DNAJC25: variants seen among roughly 807,000 people sequenced by gnomAD.
The protein encoded by DNAJC25 is dnaJ homolog subfamily C member 25.
DNAJC25 carries 26 observed loss-of-function variants against 42.1 expected under a neutral mutation model. That is an observed-to-expected ratio of 0.62 (90% CI 0.45 to 0.86). DNAJC25 has a LOEUF of 0.86. Among genes scored for constraint, DNAJC25 ranks in the 40% least tolerant of loss-of-function variants. DNAJC25 has a pLI of 0.00. For missense variants in DNAJC25, 404 were observed against 459.4 expected (o/e 0.88, Z 1.10); for synonymous variants, 189 against 179.9 (o/e 1.05, Z -0.40).
intron 1 of DNAJC25, 111 bp from the exon 2 acceptor site, chr9:111,646,996 A>C (rs1412235000): frequency 8.3e-7 from 1 of 1,202,476 alleles, no homozygotes; most frequent in Non-Finnish European, 1.1e-6. Context: ...CAGTATTTTT[A>C]CTCAGATTAA....
intron 2 of DNAJC25, 119 bp downstream of exon 2, chr9:111,647,378 T>C: frequency 7.8e-7 from 1 of 1,277,196 alleles, no homozygotes; most frequent in East Asian, 2.4e-5. Flanking sequence ...CTAGTTGAGA[T>C]CTGTTTTAGT....
chr9:111,646,020 G>A (rs764998783), intron 1 of DNAJC25, among the ~76,000 whole-genome samples: 11 of 152,114 alleles, frequency 7.2e-5, no homozygotes, highest in Non-Finnish European at 1.5e-4. Context: ...CAATCCTCCC[G>A]CCTTGGCCTT....
At position 111,631,449 on chromosome 9, in the gene DNAJC25, T is replaced by C; in HGVS notation, c.42T>C (p.Ala14=). The change falls in exon 1 of 4, where the codon GCT becomes GCC. Residue 14 remains alanine, a synonymous_variant. Coordinates refer to ENST00000313525, the MANE Select transcript of DNAJC25 (RefSeq NM_001015882.3). ...PLLSPGWGAG[A]AGRRWWMLLA... is the part of the protein sequence containing the mutation. Reference sequence around the variant, plus strand: ...TCTCTCCCGGCTGGGGAGCCGGGGCTGCCGGCCGGCGCTGGTGGATGCTGC... The same window carrying C: ...TCTCTCCCGGCTGGGGAGCCGGGGCCGCCGGCCGGCGCTGGTGGATGCTGC... The C allele has an allele frequency of 1.5e-6, 2 of 1,301,336 alleles. No individual in the cohort carries two copies. The highest frequency in any genetic ancestry group is 1.9e-6 in the Non-Finnish European group (2 of 1,030,288). The allele number at this position is 1,301,336 out of a possible 1,614,324, so 80.6% of individuals were successfully genotyped here.
chr9:111,646,465 C>G (rs1160397788), intron 1 of DNAJC25, among the ~76,000 whole-genome samples: 1 of 152,214 alleles, frequency 6.6e-6, no homozygotes, highest in African/African-American at 2.4e-5. Flanking sequence ...TGAAGTACTA[C>G]ATGTTTGTAA....
At chr9:111,647,034 T>TG in intron 1 of DNAJC25, 73 bp from the exon 2 acceptor site, 1 of 1,420,062 alleles carries the variant, frequency 7.0e-7, no homozygotes, top group Non-Finnish European at 9.3e-7. Flanking sequence ...ATTCTATATG[T>TG]GATTTAACAG....
chr9:111,635,794 G>C (rs1420980093), intron 1 of DNAJC25, among the ~76,000 whole-genome samples: 1 of 152,142 alleles, frequency 6.6e-6, no homozygotes, highest in Non-Finnish European at 1.5e-5. Context: ...TTCTACTCCA[G>C]ACTTGTCTTG....
Position 111,649,615 on chromosome 9 carries a change from G to A in DNAJC25, c.652G>A (p.Glu218Lys). ...GTCCAAAGAAGAAATTCGTGACGAGGAGGAGAACATCATAAAGAACATTAT... is the reference window on the plus strand; with the variant it reads ...GTCCAAAGAAGAAATTCGTGACGAGAAGGAGAACATCATAAAGAACATTAT... ...KKSKEEIRDE[E>K]ENIIKNIIKS... is the part of the protein sequence containing the mutation. Residue 218 changes from glutamate to lysine, a missense_variant, in exon 3 of 4, where the codon GAG becomes AAG. Transcript: ENST00000313525. 1 of 1,614,062 alleles carries A rather than the reference G, an allele frequency of 6.2e-7. No individual in the cohort carries two copies. Among genetic ancestry groups the A allele is most frequent in the Non-Finnish European group, 8.5e-7 (1 of 1,180,008 alleles).
chr9:111,644,095 A>G (rs374073335), intron 1 of DNAJC25, among the ~76,000 whole-genome samples: 2 of 152,240 alleles, frequency 1.3e-5, no homozygotes, highest in Admixed American at 6.5e-5. Context: ...AATAAGTTGA[A>G]TAAATGCTGT....
At chr9:111,636,875 C>G (rs73656281) in intron 1 of DNAJC25, among the ~76,000 whole-genome samples, 19,853 of 152,012 alleles carry the variant, frequency 0.13, 1,974 homozygotes, top group African/African-American at 0.26. Context: ...TTTACTATTT[C>G]TGCTGTGAAC....
At chr9:111,642,333 CAT>C (rs1830489223) in intron 1 of DNAJC25, among the ~76,000 whole-genome samples, 4 of 106,274 alleles carry the variant, frequency 3.8e-5, no homozygotes, top group African/African-American at 1.1e-4. Context: ...CTCTCTGAAA[CAT>C]GTGCTGTGTC....
At chr9:111,636,166 A>C (rs1418674309) in intron 1 of DNAJC25, among the ~76,000 whole-genome samples, 1 of 152,180 alleles carries the variant, frequency 6.6e-6, no homozygotes, top group Non-Finnish European at 1.5e-5. Flanking sequence ...AGAAGAATGT[A>C]CCCTTTGAGT....
chr9:111,638,376 G>C (rs200096470), intron 1 of DNAJC25, among the ~76,000 whole-genome samples: 1 of 152,174 alleles, frequency 6.6e-6, no homozygotes, highest in East Asian at 1.9e-4. Context: ...GTGAATAGGA[G>C]TCATTTGCAT....
chr9:111,651,207 T>C (rs533037052), intron 3 of DNAJC25, among the ~76,000 whole-genome samples: 1 of 143,386 alleles, frequency 7.0e-6, no homozygotes, highest in South Asian at 2.2e-4. Flanking sequence ...GAGGTTGCAG[T>C]GAGCCAAGAT....
Position 111,631,706 on chromosome 9 carries a change from C to G in DNAJC25, c.299C>G (p.Ala100Gly), listed in dbSNP as rs1296047351. 1 of 1,523,894 alleles carries G rather than the reference C, an allele frequency of 6.6e-7. No homozygotes were observed. Among genetic ancestry groups the G allele is most frequent in the Non-Finnish European group, 8.8e-7 (1 of 1,141,866 alleles). The allele number at this position is 1,523,894 out of a possible 1,614,324, so 94.4% of individuals were successfully genotyped here. A position where few individuals can be genotyped will look rare whatever the true frequency, so the allele number is the denominator to read the frequency against. ...CGGACGCCGCAGAGCGCCGAGGAGGCTTTCCTGCTGGTGGCAACCGCCTAC... is the reference window on the plus strand; with the variant it reads ...CGGACGCCGCAGAGCGCCGAGGAGGGTTTCCTGCTGGTGGCAACCGCCTAC... The part of the protein sequence containing the change: ...PGRTPQSAEE[A>G]FLLVATAYET... Residue 100 changes from alanine to glycine, a missense_variant, in exon 1 of 4, where the codon GCT (alanine) becomes GGT (glycine). Ala to Gly is a moderately conservative substitution (Grantham distance 60). Coordinates refer to ENST00000313525, the MANE Select transcript of DNAJC25 (RefSeq NM_001015882.3).
intron 1 of DNAJC25, among the ~76,000 whole-genome samples, chr9:111,642,263 T>G (rs1830487779): frequency 9.0e-6 from 1 of 111,428 alleles, no homozygotes; most frequent in African/African-American, 3.6e-5. Flanking sequence ...TGTTCTGCAC[T>G]AAGAAAAATT....
At position 111,638,319 on chromosome 9, in the gene DNAJC25, TAC is replaced by T. The variant is rs556195868; in HGVS notation, c.336+6577_336+6578del. Among the ~76,000 whole-genome samples, 224 of 152,336 alleles carry T rather than the reference TAC, an allele frequency of 1.5e-3. 1 individual carries two copies. The highest frequency in any genetic ancestry group is 5.2e-3 in the African/African-American group (217 of 41,590). ...AATGCCTGTAAAACTGGAAAATACC[TAC>T]CAAGCAATAATGTGTTGCATTCCAC... On this transcript the variant is annotated intron_variant, in intron 1 of 3. Coordinates refer to ENST00000313525, the MANE Select transcript of DNAJC25 (RefSeq NM_001015882.3).
At position 111,653,093 on chromosome 9, in the gene DNAJC25, C is replaced by T. The variant is rs778876065; in HGVS notation, c.961-7C>T. On this transcript the variant is annotated splice_polypyrimidine_tract_variant and splice_region_variant and intron_variant, in intron 3 of 3. Coordinates refer to ENST00000313525, the MANE Select transcript of DNAJC25 (RefSeq NM_001015882.3). ...TTGTGAAGTCATCTAGTTATTTATACTTACAGGTCTACAAGCAAGAACAAG... is the reference window on the plus strand; with the variant it reads ...TTGTGAAGTCATCTAGTTATTTATATTTACAGGTCTACAAGCAAGAACAAG... The T allele has an allele frequency of 6.3e-7, 1 of 1,583,730 alleles. No homozygotes were observed. The highest frequency in any genetic ancestry group is 2.3e-5 in the East Asian group (1 of 43,786).
rs1411883549 is a variant in DNAJC25 at position 111,631,575 on chromosome 9, G to C, written c.168G>C (p.Val56=). 6.9e-7 allele frequency: 1 copy of C among 1,453,006 alleles called. No individual in the cohort carries two copies. The highest frequency in any genetic ancestry group is 9.0e-7 in the Non-Finnish European group (1 of 1,111,836). 90.0% of individuals were successfully genotyped at this position (1,453,006 alleles called of 1,614,324 possible). Residue 56 remains valine, a synonymous_variant, in exon 1 of 4, where the codon GTG becomes GTC. Transcript: ENST00000313525. ...GGGACTGCTACGAGGTGCTGGGCGTGAGCCGCTCGGCGGGCAAGGCGGAGA... is the reference window on the plus strand; with the variant it reads ...GGGACTGCTACGAGGTGCTGGGCGTCAGCCGCTCGGCGGGCAAGGCGGAGA... ...GTRDCYEVLG[V]SRSAGKAEIA...
At chr9:111,641,781 C>G (rs1830474491) in intron 1 of DNAJC25, among the ~76,000 whole-genome samples, 1 of 132,758 alleles carries the variant, frequency 7.5e-6, no homozygotes, top group Non-Finnish European at 1.6e-5. Flanking sequence ...TCTGCCCGGC[C>G]AGCCGCCCCG....
Sources: allele counts gnomAD v4.1 joint callset (sites outside exome capture counted in the v4.1 genomes callset), GRCh38; gene constraint gnomAD v4.1.1; transcripts MANE v1.5; gene names NCBI Gene and HGNC (gene_info 2026-07-23, HGNC 2026-07-21).